The following UGT1A5 variants were observed in gnomAD, a reference collection of about 807,000 sequenced individuals.
UGT1A5 encodes UDP glucuronosyltransferase family 1 member A5.
Under a neutral mutation model 40.3 loss-of-function variants are expected in UGT1A5, and 29 were observed. That is an observed-to-expected ratio of 0.72 (90% CI 0.54 to 0.98). UGT1A5 has a LOEUF of 0.98. Among genes scored for constraint, UGT1A5 ranks in the 50% least tolerant of loss-of-function variants. The pLI is 0.00. For synonymous variants in UGT1A5, 257 were observed against 262.5 expected, an observed-to-expected ratio of 0.98 and a Z score of 0.20; for missense variants, 678 against 677.9, an observed-to-expected ratio of 1.00 and a Z score of 0.00.
At chr2:233,766,928 C>A in intron 1 of UGT1A5, 106 bp from the exon 2 acceptor site, 12 of 1,578,030 alleles carry the variant, frequency 7.6e-6, no homozygotes, top group Non-Finnish European at 9.4e-6. Context: ...ACACGCATGC[C>A]TTTAATCATA....
intron 1 of UGT1A5, among the ~76,000 whole-genome samples, chr2:233,726,819 C>T (rs181866502): frequency 3.3e-5 from 5 of 152,224 alleles, no homozygotes; most frequent in Admixed American, 6.5e-5. Context: ...TTCCTCTATT[C>T]GACCATTTAA....
intron 1 of UGT1A5, chr2:233,754,982 G>T (rs777457239): frequency 2.3e-5 from 30 of 1,295,872 alleles, no homozygotes; most frequent in Middle Eastern, 2.1e-4. Flanking sequence ...AGACCTCGGC[G>T]GGGTCACGGA....
intron 1 of UGT1A5, among the ~76,000 whole-genome samples, chr2:233,757,535 A>AATATATATACATAT (rs376887521): frequency 1.4e-4 from 12 of 88,292 alleles, no homozygotes; most frequent in Admixed American, 3.3e-4. Context: ...GCCTGTAAGG[A>AATATATATACATAT]ATATATATAT....
At chr2:233,758,862 T>C (rs1697002343) in intron 1 of UGT1A5, among the ~76,000 whole-genome samples, 2 of 152,226 alleles carry the variant, frequency 1.3e-5, no homozygotes. Flanking sequence ...GGCTGCACAA[T>C]ACTTGCCCCA....
Position 233,713,410 on chromosome 2 carries a change from AC to A in UGT1A5, c.421del (p.Leu141CysfsTer10). On this transcript the variant is annotated frameshift_variant, in exon 1 of 5. Coordinates refer to ENST00000373414, the MANE Select transcript of UGT1A5 (RefSeq NM_019078.2). LOFTEE classifies it high-confidence loss of function. The part of the protein sequence containing the change: ...ELLHNEALIR[H>X]LHATSFDVVL... ...CTGCATAATGAGGCCCTGATCAGGC[AC>A]CTGCATGCTACTTCCTTTGATGTGG... is the stretch of plus-strand genomic sequence containing the variant. The A allele has an allele frequency of 6.2e-7, 1 of 1,614,174 alleles. No homozygotes were observed. Among genetic ancestry groups the A allele is most frequent in the Non-Finnish European group, 8.5e-7 (1 of 1,180,032 alleles).
At chr2:233,750,638 T>A (rs1330204251) in intron 1 of UGT1A5, 1 of 150,162 alleles carries the variant, frequency 6.7e-6, no homozygotes, top group Non-Finnish European at 1.5e-5. Context: ...CCCCCTGCTG[T>A]GTGCAGCCTC....
chr2:233,769,154 T>C lies in UGT1A5; in HGVS notation c.1307+715T>C, dbSNP rs528869254. ...CAGCTTTTTGCAGCACTGGAACCTG[T>C]GAGAAATTTTGTCCATGGAGTTTAT... On this transcript the variant is annotated intron_variant, in intron 4 of 4. Coordinates refer to ENST00000373414, the MANE Select transcript of UGT1A5 (RefSeq NM_019078.2). This position sits in a 1 kb window ranked among gnomAD's most constrained non-coding sequence, Gnocchi z 4.4. Among the ~76,000 whole-genome samples the C allele has an allele frequency of 1.3e-5, 2 of 152,310 alleles. No individual in the cohort carries two copies. Among genetic ancestry groups the C allele is most frequent in the South Asian group, 4.1e-4 (2 of 4,822 alleles).
At chr2:233,733,359 G>T (rs892320976) in intron 1 of UGT1A5, among the ~76,000 whole-genome samples, 1 of 152,164 alleles carries the variant, frequency 6.6e-6, no homozygotes, top group Non-Finnish European at 1.5e-5. Flanking sequence ...AGTAGGAGTG[G>T]TGAGAGAGGT....
At chr2:233,767,192 A>C (rs752013731) in intron 2 of UGT1A5, 27 bp downstream of exon 2, 1 of 1,613,796 alleles carries the variant, frequency 6.2e-7, no homozygotes, top group African/African-American at 1.3e-5. Context: ...CCATGGCCTC[A>C]TATCTATTTT....
intron 1 of UGT1A5, chr2:233,747,248 T>G: frequency 3.1e-6 from 5 of 1,601,666 alleles, no homozygotes; most frequent in Non-Finnish European, 4.3e-6. Context: ...CTGCTGTGGC[T>G]GGCCACAGGA....
intron 1 of UGT1A5, among the ~76,000 whole-genome samples, chr2:233,762,717 G>GTT (rs34681509): frequency 7.1e-6 from 1 of 141,156 alleles, no homozygotes; most frequent in African/African-American, 2.6e-5. Context: ...ATTTTACACG[G>GTT]TTTTTTTTTT....
chr2:233,723,473 G>A (rs1476221455), intron 1 of UGT1A5, among the ~76,000 whole-genome samples: 1 of 135,908 alleles, frequency 7.4e-6, no homozygotes, highest in Admixed American at 7.3e-5. Flanking sequence ...GCCTCCCAAA[G>A]TGCTAGGATT....
At chr2:233,721,854 C>G in intron 1 of UGT1A5, 1 of 513,502 alleles carries the variant, frequency 1.9e-6, no homozygotes, top group Non-Finnish European at 3.9e-6. Context: ...AGCCCCACTG[C>G]TCGGCCCTGG....
chr2:233,725,119 T>G (rs1275718830), intron 1 of UGT1A5, among the ~76,000 whole-genome samples: 3 of 139,294 alleles, frequency 2.2e-5, no homozygotes. Flanking sequence ...GAGGTTGCAG[T>G]GAGCCGAGAT....
intron 1 of UGT1A5, among the ~76,000 whole-genome samples, chr2:233,715,374 C>CAT (rs35623965): frequency 0.1 from 15,418 of 152,200 alleles, 893 homozygotes; most frequent in East Asian, 0.2. Flanking sequence ...ATTTTCTTCA[C>CAT]AGTTTGCTGT....
At chr2:233,750,259 G>A (rs1161591814) in intron 1 of UGT1A5, among the ~76,000 whole-genome samples, 1 of 151,924 alleles carries the variant, frequency 6.6e-6, no homozygotes, top group Non-Finnish European at 1.5e-5. Flanking sequence ...GGTCACCCTT[G>A]CTATGCTTTA....
chr2:233,718,792 A>C (rs766693959), intron 1 of UGT1A5: 2 of 1,613,154 alleles, frequency 1.2e-6, no homozygotes, highest in Non-Finnish European at 8.5e-7. Context: ...CGTGGGGTGG[A>C]CAGTCAGCTG....
At chr2:233,724,529 G>A (rs1336753054) in intron 1 of UGT1A5, among the ~76,000 whole-genome samples, 2 of 116,416 alleles carry the variant, frequency 1.7e-5, no homozygotes, top group African/African-American at 3.6e-5. Context: ...ATGGGGTCTC[G>A]CCGGGCAGAG....
At chr2:233,757,559 T>TATATATATACATATAC in intron 1 of UGT1A5, among the ~76,000 whole-genome samples, 4 of 124,406 alleles carry the variant, frequency 3.2e-5, no homozygotes, top group Non-Finnish European at 3.3e-5. Context: ...TATATATATA[T>TATATATATACATATAC]ATGTATATAT....
Sources: allele counts gnomAD v4.1 joint callset (sites outside exome capture counted in the v4.1 genomes callset), GRCh38; gene constraint gnomAD v4.1.1; non-coding constraint Gnocchi (gnomAD v3.1); transcripts MANE v1.5; gene names NCBI Gene and HGNC (gene_info 2026-07-23, HGNC 2026-07-21).